KCNH8: variants seen among roughly 807,000 people sequenced by gnomAD.
KCNH8 encodes the protein voltage-gated delayed rectifier potassium channel KCNH8.
In KCNH8, 70 loss-of-function variants were observed where a neutral mutation model predicts 103.6. The observed-to-expected ratio is 0.68, with a 90% CI of 0.56 to 0.82. The LOEUF (loss-of-function observed/expected upper bound fraction) is 0.82, where lower values mean the gene tolerates loss of function less well. Among genes scored for constraint, KCNH8 ranks in the 40% least tolerant of loss-of-function variants. KCNH8 has a pLI of 0.00. For synonymous variants in KCNH8, 498 were observed against 489.4 expected (o/e 1.02, Z -0.23); for missense variants, 1,217 against 1,329.9 (o/e 0.92, Z 1.32).
Position 19,373,880 on chromosome 3 carries a change from C to G in KCNH8, c.812-16601C>G, listed in dbSNP as rs543226419. 4.7e-4 allele frequency among the ~76,000 whole-genome samples: 71 copies of G among 152,236 alleles called. No individual in the cohort carries two copies. In the East Asian group the frequency reaches 5.0e-3, roughly 11 times the overall value. ...TTTCGTTATGTACCCATTAGTCATT[C>G]AGGAGCAGGTTGTTCAGTTTCCATG... On this transcript the variant is annotated intron_variant, in intron 5 of 15. Transcript: ENST00000328405.
intron 11 of KCNH8, among the ~76,000 whole-genome samples, chr3:19,470,806 A>G (rs1387589673): frequency 2.0e-5 from 3 of 152,202 alleles, no homozygotes; most frequent in Non-Finnish European, 4.4e-5. Flanking sequence ...CCATGCAATC[A>G]TATCTCAGCA....
At chr3:19,250,744 C>G (rs1038098599) in intron 1 of KCNH8, among the ~76,000 whole-genome samples, 5 of 152,126 alleles carry the variant, frequency 3.3e-5, no homozygotes, top group African/African-American at 1.2e-4. Context: ...TTGTGGACCA[C>G]TGATTTGGTA....
At chr3:19,178,287 A>AG (rs2063419657) in intron 1 of KCNH8, among the ~76,000 whole-genome samples, 2 of 152,054 alleles carry the variant, frequency 1.3e-5, no homozygotes, top group African/African-American at 4.8e-5. Context: ...GTTCATTAAA[A>AG]AATTGTGAAT....
intron 3 of KCNH8, among the ~76,000 whole-genome samples, chr3:19,285,431 C>G (rs1383601339): frequency 6.6e-6 from 1 of 152,090 alleles, no homozygotes; most frequent in Non-Finnish European, 1.5e-5. Flanking sequence ...GGTACTCATA[C>G]ATATCTCCTA....
chr3:19,532,518 T>C (rs2069179800), intron 15 of KCNH8, among the ~76,000 whole-genome samples: 1 of 152,180 alleles, frequency 6.6e-6, no homozygotes, highest in Non-Finnish European at 1.5e-5. Flanking sequence ...ATAATAAGCA[T>C]AGGCTTCAAC....
At chr3:19,343,127 T>C (rs2065683777) in intron 4 of KCNH8, among the ~76,000 whole-genome samples, 1 of 152,118 alleles carries the variant, frequency 6.6e-6, no homozygotes, top group South Asian at 2.1e-4. Context: ...CAAATGCTTT[T>C]ATCCAGGAGG....
chr3:19,376,170 G>C (rs2066196734), intron 5 of KCNH8, among the ~76,000 whole-genome samples: 2 of 152,226 alleles, frequency 1.3e-5, no homozygotes, highest in South Asian at 4.1e-4. Context: ...AAGCAAGCCT[G>C]GGCAATGGCG....
At chr3:19,375,360 C>G (rs1353426546) in intron 5 of KCNH8, among the ~76,000 whole-genome samples, 3 of 150,492 alleles carry the variant, frequency 2.0e-5, no homozygotes, top group Non-Finnish European at 4.4e-5. Flanking sequence ...TTCATTTCAT[C>G]TTCCATTGCT....
intron 7 of KCNH8, among the ~76,000 whole-genome samples, chr3:19,424,970 G>A (rs2067006011): frequency 6.6e-6 from 1 of 152,036 alleles, no homozygotes; most frequent in South Asian, 2.1e-4. Context: ...CACGTCATTT[G>A]TGGTTTCCCT....
At chr3:19,439,606 C>T (rs181721573) in intron 8 of KCNH8, among the ~76,000 whole-genome samples, 13 of 152,226 alleles carry the variant, frequency 8.5e-5, no homozygotes, top group Admixed American at 6.5e-4. Context: ...AGAGAAGGCT[C>T]AACTCACAAA....
rs1006302924 is a variant in KCNH8, at chr3:19,419,262, C to T, written c.1178-18902C>T. Among the ~76,000 whole-genome samples, 11 of 141,018 alleles carry T rather than the reference C, an allele frequency of 7.8e-5. No homozygotes were observed. In the South Asian group the frequency reaches 1.1e-3, roughly 15 times the overall value. 92.5% of individuals were successfully genotyped at this position (141,018 alleles called of 152,430 possible). ...TCGCCCAGGCTGGAGTGCAGTGGCG[C>T]GATCTCGGCTCACTGCAAGCTCTGC... On this transcript the variant is annotated intron_variant, in intron 7 of 15. Coordinates refer to ENST00000328405, the MANE Select transcript of KCNH8 (RefSeq NM_144633.3).
intron 1 of KCNH8, among the ~76,000 whole-genome samples, chr3:19,241,275 T>G (rs1232505310): frequency 6.6e-6 from 1 of 152,156 alleles, no homozygotes; most frequent in African/African-American, 2.4e-5. Context: ...TATCCATAAT[T>G]CATTGACTCA....
At chr3:19,260,353 T>C (rs186186001) in intron 2 of KCNH8, among the ~76,000 whole-genome samples, 245 of 150,966 alleles carry the variant, frequency 1.6e-3, no homozygotes, top group Non-Finnish European at 2.6e-3. Context: ...CAGATCCTGA[T>C]AAAAAGGAAG....
At chr3:19,229,675 C>T (rs904597427) in intron 1 of KCNH8, among the ~76,000 whole-genome samples, 43 of 152,338 alleles carry the variant, frequency 2.8e-4, no homozygotes, top group African/African-American at 9.4e-4. Flanking sequence ...AGACATTTTC[C>T]CCTCCTCATC....
intron 11 of KCNH8, among the ~76,000 whole-genome samples, chr3:19,484,078 T>A (rs2068148227): frequency 2.0e-5 from 3 of 152,192 alleles, no homozygotes; most frequent in Admixed American, 2.0e-4. Flanking sequence ...GCATCAAATT[T>A]CAAGATTATG....
At chr3:19,320,813 A>ATT (rs146449071) in intron 3 of KCNH8, among the ~76,000 whole-genome samples, 1 of 147,528 alleles carries the variant, frequency 6.8e-6, no homozygotes, top group Non-Finnish European at 1.5e-5. Flanking sequence ...TGGTCCTGGA[A>ATT]TTTTTTTTTT....
chr3:19,468,725 G>A (rs540444396), intron 11 of KCNH8, among the ~76,000 whole-genome samples: 10 of 152,178 alleles, frequency 6.6e-5, no homozygotes, highest in South Asian at 2.1e-4. Flanking sequence ...ATTGAGTTAC[G>A]TCTACTTGAA....
At chr3:19,486,144 T>G (rs1204431051) in intron 11 of KCNH8, among the ~76,000 whole-genome samples, 1 of 152,206 alleles carries the variant, frequency 6.6e-6, no homozygotes, top group Admixed American at 6.5e-5. Context: ...CCCATCTACA[T>G]ATAACTCCCA....
At chr3:19,233,031 T>C (rs1559434145) in intron 1 of KCNH8, among the ~76,000 whole-genome samples, 1 of 151,892 alleles carries the variant, frequency 6.6e-6, no homozygotes, top group Non-Finnish European at 1.5e-5. Context: ...ACTTGTCTCT[T>C]ATCCCTACAC....
Sources: allele counts gnomAD v4.1 joint callset (sites outside exome capture counted in the v4.1 genomes callset), GRCh38; gene constraint gnomAD v4.1.1; transcripts MANE v1.5; gene names NCBI Gene and HGNC (gene_info 2026-07-23, HGNC 2026-07-21).